ATP2B1: variants seen among roughly 807,000 people sequenced by gnomAD.
ATP2B1 encodes the protein plasma membrane calcium-transporting ATPase 1.
ATP2B1 carries 14 observed loss-of-function variants against 124.2 expected under a neutral mutation model. The observed-to-expected ratio is 0.11, with a 90% CI of 0.07 to 0.18. The LOEUF (loss-of-function observed/expected upper bound fraction) is 0.18, where lower values mean the gene tolerates loss of function less well. Among genes scored for constraint, ATP2B1 ranks in the 10% least tolerant of loss-of-function variants. ATP2B1 has a pLI of 1.00. For synonymous variants in ATP2B1, 449 were observed against 492.4 expected, an observed-to-expected ratio of 0.91 and a Z score of 1.17; for missense variants, 763 against 1,466.1, an observed-to-expected ratio of 0.52 and a Z score of 7.83.
chr12:89,680,573 A>T (rs1889217981), intron 1 of ATP2B1, among the ~76,000 whole-genome samples: 1 of 152,204 alleles, frequency 6.6e-6, no homozygotes, highest in Non-Finnish European at 1.5e-5. Context: ...AAAAGGAGTA[A>T]GGGTCAAGAG....
At chr12:89,601,304 C>CA (rs1285841292) in intron 19 of ATP2B1, 22 bp downstream of exon 19, 16 of 1,483,654 alleles carry the variant, frequency 1.1e-5, no homozygotes, top group Non-Finnish European at 1.5e-5. Flanking sequence ...TAGGTTTAAA[C>CA]AAAAACTGAT....
intron 1 of ATP2B1, among the ~76,000 whole-genome samples, chr12:89,671,550 T>G (rs576555551): frequency 6.6e-6 from 1 of 152,302 alleles, no homozygotes; most frequent in South Asian, 2.1e-4. Flanking sequence ...CCCTATGCAA[T>G]GTAGTATTTA....
At chr12:89,646,343 A>T (rs1453110967) in intron 2 of ATP2B1, among the ~76,000 whole-genome samples, 1 of 152,120 alleles carries the variant, frequency 6.6e-6, no homozygotes, top group Non-Finnish European at 1.5e-5. Flanking sequence ...CACAAGCCCA[A>T]TGAGAGCTCT....
intron 5 of ATP2B1, among the ~76,000 whole-genome samples, chr12:89,631,814 C>CTTTTT (rs773593693): frequency 1.4e-5 from 2 of 144,614 alleles, no homozygotes; most frequent in Non-Finnish European, 1.5e-5. Flanking sequence ...GGTTATACAA[C>CTTTTT]TTTTTTTTTT....
chr12:89,705,955 G>A (rs1383087648), intron 1 of ATP2B1, among the ~76,000 whole-genome samples: 1 of 152,144 alleles, frequency 6.6e-6, no homozygotes, highest in Admixed American at 6.5e-5. Flanking sequence ...AAGACTATAT[G>A]TAATAATATC....
chr12:89,617,186 T>G, intron 11 of ATP2B1, 147 bp from the exon 12 acceptor site: 1 of 655,398 alleles, frequency 1.5e-6, no homozygotes, highest in South Asian at 2.0e-5. Flanking sequence ...AGACTTAAAT[T>G]CACTTTTCAC....
At position 89,590,814 on chromosome 12, in the gene ATP2B1, G is replaced by A; in HGVS notation, c.*170C>T. The A allele has an allele frequency of 4.0e-6, 3 of 757,128 alleles. No individual in the cohort carries two copies. The highest frequency in any genetic ancestry group is 4.0e-4 in the Middle Eastern group (1 of 2,498). 46.9% of individuals were successfully genotyped at this position (757,128 alleles called of 1,614,324 possible). A position where few individuals can be genotyped will look rare whatever the true frequency, so the allele number is the denominator to read the frequency against. On this transcript the variant is annotated 3_prime_UTR_variant, in exon 21 of 21. Transcript: ENST00000428670. ...CCCAAAAAGCACCCTCAGTCTGGCA[G>A]AAAGCTTTGCTTTTTTTTTTTTAAA... is the stretch of plus-strand genomic sequence containing the variant.
At chr12:89,606,986 T>C (rs1295001020) in intron 15 of ATP2B1, among the ~76,000 whole-genome samples, 1 of 152,142 alleles carries the variant, frequency 6.6e-6, no homozygotes, top group Non-Finnish European at 1.5e-5. Context: ...ATCCTTAACA[T>C]TTCTAAAAGT....
At chr12:89,598,557 G>A in intron 20 of ATP2B1, 1 of 1,589,096 alleles carries the variant, frequency 6.3e-7, no homozygotes, top group Non-Finnish European at 8.6e-7. Flanking sequence ...AGTAGGAAAT[G>A]TTAATTTCAT....
At chr12:89,659,305 A>T (rs1886380594) in intron 1 of ATP2B1, among the ~76,000 whole-genome samples, 1 of 152,062 alleles carries the variant, frequency 6.6e-6, no homozygotes, top group African/African-American at 2.4e-5. Flanking sequence ...TTATCCCAGA[A>T]TAAATGTTGT....
chr12:89,665,065 G>A (rs111478946), intron 1 of ATP2B1, among the ~76,000 whole-genome samples: 22,862 of 152,074 alleles, frequency 0.15, 2,088 homozygotes, highest in South Asian at 0.36. Context: ...TCCTGACTCC[G>A]TGATCTGCCC....
chr12:89,598,039 CAAAAAAAAAAA>C (rs10661138), intron 20 of ATP2B1, among the ~76,000 whole-genome samples: 1 of 60,526 alleles, frequency 1.7e-5, no homozygotes, highest in African/African-American at 7.0e-5. Context: ...CACAACCAAG[CAAAAAAAAAAA>C]AAAAAAAAAA....
Position 89,643,115 on chromosome 12 carries a change from C to T in ATP2B1, c.209-760G>A, listed in dbSNP as rs147356983. ...ACATATATACATACGTATATATATA[C>T]GTATATACACGTATATATGTATATA... On this transcript the variant is annotated intron_variant, in intron 2 of 20. Transcript: ENST00000428670. Among the ~76,000 whole-genome samples the T allele has an allele frequency of 1.1e-3, 158 of 143,768 alleles. 2 individuals carry two copies. The Middle Eastern group carries it at 0.026, about 24-fold the overall frequency. The allele number at this position is 143,768 out of a possible 152,430, so 94.3% of individuals were successfully genotyped here.
At chr12:89,663,529 AAAT>A (rs1366065693) in intron 1 of ATP2B1, among the ~76,000 whole-genome samples, 1 of 146,364 alleles carries the variant, frequency 6.8e-6, no homozygotes, top group Non-Finnish European at 1.5e-5. Context: ...GGCAAGGTCT[AAAT>A]AATAATGAAT....
chr12:89,694,914 G>A (rs749834688), intron 1 of ATP2B1, among the ~76,000 whole-genome samples: 2 of 151,892 alleles, frequency 1.3e-5, no homozygotes, highest in South Asian at 2.1e-4. Context: ...AAAATTAGCC[G>A]AGCATGGTGG....
intron 9 of ATP2B1, among the ~76,000 whole-genome samples, chr12:89,622,898 T>A (rs1297106233): frequency 6.6e-6 from 1 of 152,174 alleles, no homozygotes; most frequent in Admixed American, 6.5e-5. Flanking sequence ...ATCTTTCTAA[T>A]CAATTGAAAA....
chr12:89,665,273 T>C (rs1329018597), intron 1 of ATP2B1, among the ~76,000 whole-genome samples: 3 of 152,180 alleles, frequency 2.0e-5, no homozygotes, highest in African/African-American at 7.2e-5. Context: ...TACACAAATA[T>C]ACATAAACAC....
At chr12:89,610,387 A>C (rs759205425) in intron 14 of ATP2B1, 34 bp downstream of exon 14, 8 of 1,538,462 alleles carry the variant, frequency 5.2e-6, no homozygotes, top group Non-Finnish European at 7.2e-6. Flanking sequence ...TTTCTGTATT[A>C]AGAAATTGTG....
chr12:89,596,357 T>C (rs939790068), intron 20 of ATP2B1, among the ~76,000 whole-genome samples: 7 of 151,904 alleles, frequency 4.6e-5, no homozygotes, highest in Non-Finnish European at 1.0e-4. Flanking sequence ...CATAAGTCAA[T>C]GTCATAAAAA....
Sources: gnomAD v4.1 joint callset for allele counts (sites outside exome capture counted in the v4.1 genomes callset) on GRCh38, gnomAD v4.1.1 for gene constraint, MANE v1.5 for transcripts, NCBI Gene and HGNC (gene_info 2026-07-23, HGNC 2026-07-21) for gene names.